Variants in ILRUN observed in about 807,000 individuals in gnomAD.
The protein encoded by ILRUN is inflammation and lipid regulator with UBA-like and NBR1-like domains, also known as protein ILRUN.
Under a neutral mutation model 33.8 loss-of-function variants are expected in ILRUN, and 3 were observed. The observed-to-expected ratio is 0.09, with a 90% CI of 0.04 to 0.23. The LOEUF is 0.23. ILRUN is among the 10% of genes least tolerant of loss of function. ILRUN has a pLI of 1.00. For synonymous variants in ILRUN, 124 were observed against 138.9 expected (o/e 0.89, Z 0.75); for missense variants, 210 against 375.1 (o/e 0.56, Z 3.64).
At chr6:34,696,324 C>G (rs2127394515) in intron 1 of ILRUN, 122 bp downstream of exon 1, 2 of 1,059,608 alleles carry the variant, frequency 1.9e-6, no homozygotes, top group African/African-American at 3.2e-5. Flanking sequence ...CCTCCCCGTC[C>G]CGGGAAGGGG....
chr6:34,625,139 A>G (rs1260571021), intron 3 of ILRUN, among the ~76,000 whole-genome samples: 1 of 152,198 alleles, frequency 6.6e-6, no homozygotes, highest in African/African-American at 2.4e-5. Flanking sequence ...ATATAGCAAC[A>G]AAGCAGAACT....
At chr6:34,656,053 T>C (rs1362416298) in intron 1 of ILRUN, among the ~76,000 whole-genome samples, 1 of 151,864 alleles carries the variant, frequency 6.6e-6, no homozygotes, top group Non-Finnish European at 1.5e-5. Flanking sequence ...GCCAACATAG[T>C]GAAACCCGTC....
intron 3 of ILRUN, among the ~76,000 whole-genome samples, chr6:34,636,616 T>C (rs1376393543): frequency 1.3e-5 from 2 of 152,074 alleles, no homozygotes; most frequent in Admixed American, 6.6e-5. Context: ...ATGACTACAT[T>C]CTAAACAATA....
At chr6:34,602,390 A>C (rs1004533395) in intron 4 of ILRUN, among the ~76,000 whole-genome samples, 2 of 152,224 alleles carry the variant, frequency 1.3e-5, no homozygotes, top group Admixed American at 1.3e-4. Flanking sequence ...CATATAAGAA[A>C]AAGGCATACG....
At chr6:34,591,781 G>A (rs937406765) in intron 4 of ILRUN, among the ~76,000 whole-genome samples, 8 of 152,078 alleles carry the variant, frequency 5.3e-5, no homozygotes, top group South Asian at 2.1e-4. Flanking sequence ...GAGCCACCGC[G>A]CCTGGCCAAT....
intron 1 of ILRUN, among the ~76,000 whole-genome samples, chr6:34,655,960 C>T (rs1762762531): frequency 6.6e-6 from 1 of 152,050 alleles, no homozygotes. Context: ...AAAGGCTGGG[C>T]TCAGTGGCTC....
At chr6:34,629,236 A>G (rs769896832) in intron 3 of ILRUN, among the ~76,000 whole-genome samples, 4 of 152,226 alleles carry the variant, frequency 2.6e-5, no homozygotes, top group Non-Finnish European at 5.9e-5. Context: ...TTTCACAGAC[A>G]AAAGCCTATT....
At chr6:34,604,068 A>G (rs888381133) in intron 4 of ILRUN, among the ~76,000 whole-genome samples, 5 of 152,234 alleles carry the variant, frequency 3.3e-5, no homozygotes, top group African/African-American at 1.2e-4. Context: ...CACATTTTCA[A>G]CGCATTATAG....
chr6:34,591,706 G>T (rs922909615), intron 4 of ILRUN, among the ~76,000 whole-genome samples: 1 of 152,044 alleles, frequency 6.6e-6, no homozygotes, highest in Non-Finnish European at 1.5e-5. Context: ...AGCCAGGATG[G>T]TCTCGATCTC....
rs551538590 is a variant in ILRUN, at chr6:34,695,436, G to A, written c.158+1010C>T. ...CAACAACCTCTATTCAGAGTACAAG[G>A]GGAAGCGTTGCTTAACAACGACAGC... On this transcript the variant is annotated intron_variant, in intron 1 of 4. Coordinates refer to ENST00000374023, the MANE Select transcript of ILRUN (RefSeq NM_024294.4). 2.0e-5 allele frequency among the ~76,000 whole-genome samples: 3 copies of A among 152,298 alleles called. No homozygotes were observed. The South Asian group carries it at 6.2e-4, about 32-fold the overall frequency.
At chr6:34,609,297 T>C (rs1761695821) in intron 3 of ILRUN, among the ~76,000 whole-genome samples, 1 of 152,176 alleles carries the variant, frequency 6.6e-6, no homozygotes, top group Non-Finnish European at 1.5e-5. Context: ...GAGACTAGCC[T>C]GGCCAACATG....
chr6:34,630,184 G>A (rs1355426239), intron 3 of ILRUN, among the ~76,000 whole-genome samples: 1 of 152,178 alleles, frequency 6.6e-6, no homozygotes, highest in Non-Finnish European at 1.5e-5. Flanking sequence ...GGATATGCTA[G>A]ACAAAGGGAT....
chr6:34,605,481 T>C (rs1291731007), intron 4 of ILRUN, among the ~76,000 whole-genome samples: 1 of 150,908 alleles, frequency 6.6e-6, no homozygotes, highest in East Asian at 1.9e-4. Context: ...TACAAAACAT[T>C]AGCCAGGCAT....
chr6:34,603,682 A>G (rs1057375243), intron 4 of ILRUN, among the ~76,000 whole-genome samples: 1 of 152,154 alleles, frequency 6.6e-6, no homozygotes, highest in African/African-American at 2.4e-5. Context: ...CACAAATTAT[A>G]TATTAGGACT....
At chr6:34,612,576 GA>G (rs1228436112) in intron 3 of ILRUN, among the ~76,000 whole-genome samples, 1 of 152,140 alleles carries the variant, frequency 6.6e-6, no homozygotes, top group African/African-American at 2.4e-5. Context: ...TTACTAAAGA[GA>G]AAACATAGCT....
chr6:34,588,305 T>C lies in ILRUN; in HGVS notation c.*2260A>G. On this transcript the variant is annotated 3_prime_UTR_variant, in exon 5 of 5. Coordinates refer to ENST00000374023, the MANE Select transcript of ILRUN (RefSeq NM_024294.4). ...GAAGCAAGAGGAAGAGCAAGACGAC[T>C]CTGGCAGGCCCAGACCCACTGACGG... 2.5e-6 allele frequency: 1 copy of C among 398,446 alleles called. No individual in the cohort carries two copies. The highest frequency in any genetic ancestry group is 4.4e-6 in the Non-Finnish European group (1 of 226,088). The allele number at this position is 398,446 out of a possible 1,614,324, so 24.7% of individuals were successfully genotyped here. A position where few individuals can be genotyped will look rare whatever the true frequency, so the allele number is the denominator to read the frequency against.
chr6:34,658,914 G>A (rs1762832842), intron 1 of ILRUN, among the ~76,000 whole-genome samples: 1 of 152,226 alleles, frequency 6.6e-6, no homozygotes, highest in South Asian at 2.1e-4. Context: ...CTGCAAAACT[G>A]AGTTGATACT....
chr6:34,607,747 C>T (rs1761664520), intron 3 of ILRUN, among the ~76,000 whole-genome samples: 1 of 152,192 alleles, frequency 6.6e-6, no homozygotes, highest in African/African-American at 2.4e-5. Flanking sequence ...TGTACTGTTA[C>T]TTTATTGAAT....
chr6:34,695,456 G>A (rs73413879), intron 1 of ILRUN, among the ~76,000 whole-genome samples: 4,704 of 152,270 alleles, frequency 0.031, 198 homozygotes, highest in African/African-American at 0.09. Context: ...GCTTAACAAC[G>A]ACAGCAAGTG....
Sources: gnomAD v4.1 joint callset for allele counts (sites outside exome capture counted in the v4.1 genomes callset) on GRCh38, gnomAD v4.1.1 for gene constraint, MANE v1.5 for transcripts, NCBI Gene and HGNC (gene_info 2026-07-23, HGNC 2026-07-21) for gene names.